HUNK: variants seen among roughly 807,000 people sequenced by gnomAD.
HUNK encodes the protein hormonally up-regulated Neu-associated kinase.
In HUNK, 21 loss-of-function variants were observed where a neutral mutation model predicts 61.0. That is an observed-to-expected ratio of 0.34 (90% confidence interval 0.24 to 0.50). The LOEUF is 0.50. HUNK is among the 20% of genes least tolerant of loss of function. The pLI, the probability that HUNK is intolerant of heterozygous loss-of-function variation, is 0.98. For missense variants in HUNK, 772 were observed against 945.7 expected (o/e 0.82, Z 2.41); for synonymous variants, 371 against 386.1 (o/e 0.96, Z 0.46).
chr21:31,888,477 C>T lies in HUNK; in HGVS notation c.261+14542C>T, dbSNP rs1036835790. 3.3e-5 allele frequency among the ~76,000 whole-genome samples: 5 copies of T among 152,316 alleles called. No individual in the cohort carries two copies. The East Asian group carries it at 9.7e-4, about 29-fold the overall frequency. ...GTTAGGCTGGACGCAGTGCTCACGCCTGTATTCCCAGCACTTTGGGAGGCC... is the reference window on the plus strand; with the variant it reads ...GTTAGGCTGGACGCAGTGCTCACGCTTGTATTCCCAGCACTTTGGGAGGCC... On this transcript the variant is annotated intron_variant, in intron 1 of 10. Transcript: ENST00000270112.
intron 8 of HUNK, among the ~76,000 whole-genome samples, chr21:31,989,664 A>G (rs1007639406): frequency 8.4e-5 from 12 of 143,700 alleles, no homozygotes; most frequent in African/African-American, 2.9e-4. Context: ...CAGTGAGCCA[A>G]GGTCGTGCTA....
At chr21:31,965,584 C>A (rs951850993) in intron 5 of HUNK, among the ~76,000 whole-genome samples, 2 of 135,420 alleles carry the variant, frequency 1.5e-5, no homozygotes, top group Non-Finnish European at 3.2e-5. Flanking sequence ...CCTCACTGTT[C>A]TTTGTTTTTC....
intron 1 of HUNK, among the ~76,000 whole-genome samples, chr21:31,912,678 A>G (rs549980412): frequency 6.6e-6 from 1 of 152,198 alleles, no homozygotes; most frequent in African/African-American, 2.4e-5. Context: ...AGGAGCTGGG[A>G]ACACAGGCCT....
At chr21:31,922,470 G>A (rs1171461491) in intron 1 of HUNK, among the ~76,000 whole-genome samples, 1 of 152,012 alleles carries the variant, frequency 6.6e-6, no homozygotes, top group East Asian at 1.9e-4. Context: ...GGGATTCCAG[G>A]CATCCACCAC....
At chr21:31,983,300 C>T (rs59080285) in intron 7 of HUNK, among the ~76,000 whole-genome samples, 3,471 of 152,232 alleles carry the variant, frequency 0.023, 130 homozygotes, top group African/African-American at 0.079. Flanking sequence ...TTACTGGCAG[C>T]GATAGTAACA....
intron 9 of HUNK, among the ~76,000 whole-genome samples, chr21:31,990,837 G>A (rs1459613049): frequency 6.6e-6 from 1 of 152,010 alleles, no homozygotes; most frequent in Non-Finnish European, 1.5e-5. Flanking sequence ...TGCCTGGCCT[G>A]TTAATCACAT....
chr21:31,951,238 A>G (rs544891213), intron 4 of HUNK, among the ~76,000 whole-genome samples: 2 of 151,454 alleles, frequency 1.3e-5, no homozygotes, highest in East Asian at 1.9e-4. Flanking sequence ...TGTGTCTCCA[A>G]TGAACTTTGA....
intron 9 of HUNK, among the ~76,000 whole-genome samples, chr21:31,992,420 G>A (rs554574521): frequency 6.6e-6 from 1 of 152,374 alleles, no homozygotes; most frequent in Admixed American, 6.5e-5. Context: ...ATCCGCAGTG[G>A]GTGGAAATAG....
intron 5 of HUNK, among the ~76,000 whole-genome samples, chr21:31,960,276 A>G (rs9305478): frequency 0.94 from 142,878 of 152,246 alleles, 67,193 homozygotes; most frequent in African/African-American, 0.99. Context: ...CAGCAGGGGA[A>G]GCTAAAAATA....
chr21:31,914,441 C>T (rs1410922333), intron 1 of HUNK, among the ~76,000 whole-genome samples: 1 of 134,536 alleles, frequency 7.4e-6, no homozygotes, highest in Non-Finnish European at 1.6e-5. Context: ...AAAAAAAGAC[C>T]CGGCCCTAGC....
At position 31,924,711 on chromosome 21, in the gene HUNK, C is replaced by G; in HGVS notation, c.505C>G (p.Gln169Glu). The G allele has an allele frequency of 6.2e-7, 1 of 1,613,720 alleles. No individual in the cohort carries two copies. The highest frequency in any genetic ancestry group is 1.1e-5 in the South Asian group (1 of 91,064). Residue 169 changes from glutamine (Q) to glutamate (E), a missense_variant, in exon 2 of 11, where the codon CAG (glutamine) becomes GAG (glutamate). Coordinates refer to ENST00000270112, the MANE Select transcript of HUNK (RefSeq NM_014586.2). The surrounding 1 kb of genome is among the most constrained non-coding windows in gnomAD (Gnocchi z 5.1). ...EESEARRYIR[Q>E]LISAVEHLHR... ...GTCCGAAGCCCGCAGATACATCCGA[C>G]AGCTCATCTCTGCCGTAGAGCACCT...
intron 1 of HUNK, among the ~76,000 whole-genome samples, chr21:31,885,301 G>T (rs951437114): frequency 6.6e-6 from 1 of 152,204 alleles, no homozygotes; most frequent in Non-Finnish European, 1.5e-5. Context: ...ATGCGCCTTG[G>T]CACTCTTCGA....
chr21:31,919,579 A>T (rs1256883718), intron 1 of HUNK, among the ~76,000 whole-genome samples: 1 of 152,022 alleles, frequency 6.6e-6, no homozygotes, highest in Non-Finnish European at 1.5e-5. Context: ...TGCAGTGTAG[A>T]CACTTGCTAA....
rs1349825633 is a variant in HUNK, at chr21:31,959,207, TCTC to T, written c.874+240_874+242del. ...TTCTGTTCTATCTGAACCCCTAACT[TCTC>T]CTTCCTCCTTCTGCACAAAACACGT... On this transcript the variant is annotated intron_variant, in intron 5 of 10. Transcript: ENST00000270112. 3.3e-5 allele frequency among the ~76,000 whole-genome samples: 5 copies of T among 152,210 alleles called. No homozygotes were observed. The East Asian group carries it at 9.7e-4, about 29-fold the overall frequency.
intron 1 of HUNK, among the ~76,000 whole-genome samples, chr21:31,889,120 C>T (rs2052369138): frequency 6.6e-6 from 1 of 152,152 alleles, no homozygotes; most frequent in Non-Finnish European, 1.5e-5. Context: ...CTTCCAGTCT[C>T]CTCGTTAAAC....
chr21:31,967,851 T>C (rs541243981), intron 5 of HUNK, among the ~76,000 whole-genome samples: 30 of 152,260 alleles, frequency 2.0e-4, no homozygotes, highest in Non-Finnish European at 3.8e-4. Context: ...CTGTCAATAG[T>C]GCATCTCTTT....
At chr21:31,994,978 C>G (rs2053194183) in intron 9 of HUNK, among the ~76,000 whole-genome samples, 1 of 152,182 alleles carries the variant, frequency 6.6e-6, no homozygotes, top group South Asian at 2.1e-4. Flanking sequence ...CATAACGAGA[C>G]CCCATCTCTA....
chr21:31,906,497 C>T (rs764041778), intron 1 of HUNK, among the ~76,000 whole-genome samples: 5 of 152,116 alleles, frequency 3.3e-5, no homozygotes, highest in South Asian at 2.1e-4. Flanking sequence ...TGCAGTGGCA[C>T]GATCTCAGCT....
At chr21:31,994,295 A>C (rs932514132) in intron 9 of HUNK, among the ~76,000 whole-genome samples, 1 of 152,220 alleles carries the variant, frequency 6.6e-6, no homozygotes, top group East Asian at 1.9e-4. Context: ...TCACAGTGGC[A>C]CTTGCCACGA....
Sources: allele counts gnomAD v4.1 joint callset (sites outside exome capture counted in the v4.1 genomes callset), GRCh38; gene constraint gnomAD v4.1.1; non-coding constraint Gnocchi (gnomAD v3.1); transcripts MANE v1.5; gene names NCBI Gene and HGNC (gene_info 2026-07-23, HGNC 2026-07-21).